CASQ1: variants seen among roughly 807,000 people sequenced by gnomAD.
CASQ1 encodes calsequestrin 1.
In CASQ1, 40 loss-of-function variants were observed where a neutral mutation model predicts 49.5. That is an observed-to-expected ratio of 0.81 (90% confidence interval 0.63 to 1.05). The LOEUF (loss-of-function observed/expected upper bound fraction) is 1.05, where lower values mean the gene tolerates loss of function less well. CASQ1 is among the 50% of genes least tolerant of loss of function. CASQ1 has a pLI of 0.00. For synonymous variants in CASQ1, 174 were observed against 187.2 expected (o/e 0.93, Z 0.58); for missense variants, 469 against 486.9 (o/e 0.96, Z 0.35).
At chr1:160,200,909 T>A (rs549641451) in intron 10 of CASQ1, among the ~76,000 whole-genome samples, 4 of 152,308 alleles carry the variant, frequency 2.6e-5, no homozygotes, top group Admixed American at 1.3e-4. Context: ...ATGTCCTGAA[T>A]GCCGAAGAGT....
intron 4 of CASQ1, 102 bp from the exon 5 acceptor site, chr1:160,195,359 C>T: frequency 8.7e-7 from 1 of 1,151,056 alleles, no homozygotes; most frequent in African/African-American, 1.5e-5. Flanking sequence ...GGGTGGGTCT[C>T]AAAATGAACC....
intron 5 of CASQ1, 143 bp downstream of exon 5, chr1:160,195,677 C>T: frequency 1.2e-6 from 1 of 807,794 alleles, no homozygotes; most frequent in Non-Finnish European, 2.0e-6. Context: ...TCCTCCCACT[C>T]CATAGATTTA....
chr1:160,199,145 C>A, intron 9 of CASQ1, 92 bp downstream of exon 9: 1 of 855,546 alleles, frequency 1.2e-6, no homozygotes. Flanking sequence ...AGGTCCCATC[C>A]CCACCTCCTA....
chr1:160,197,550 CTCTGTCTG>C lies in CASQ1; in HGVS notation c.783-15_783-8del. 1 of 1,598,048 alleles carries C rather than the reference CTCTGTCTG, an allele frequency of 6.3e-7. No homozygotes were observed. The highest frequency in any genetic ancestry group is 8.6e-7 in the Non-Finnish European group (1 of 1,165,330). On this transcript the variant is annotated splice_polypyrimidine_tract_variant and intron_variant, in intron 6 of 10. Coordinates refer to ENST00000368078, the MANE Select transcript of CASQ1 (RefSeq NM_001231.5). ...CCTTCTAACCCACTGAGTAATGACA[CTCTGTCTG>C]TCTCTTCTAGATCAACCCTGAGGAA...
chr1:160,192,133 ACCTCCAGGTGTGACTGT>A (rs1362134926), intron 1 of CASQ1, among the ~76,000 whole-genome samples: 5 of 152,098 alleles, frequency 3.3e-5, no homozygotes, highest in Admixed American at 6.6e-5. Context: ...GGGGGCAGGG[ACCTCCAGGTGTGACTGT>A]CCACAGCCTA....
intron 3 of CASQ1, among the ~76,000 whole-genome samples, chr1:160,194,345 A>G (rs1654156497): frequency 1.3e-5 from 2 of 150,282 alleles, no homozygotes; most frequent in African/African-American, 4.9e-5. Flanking sequence ...ACACACATGC[A>G]CACACATCAC....
intron 2 of CASQ1, 23 bp from the exon 3 acceptor site, chr1:160,193,724 C>G (rs1219478615): frequency 1.5e-6 from 2 of 1,375,782 alleles, no homozygotes; most frequent in Non-Finnish European, 2.1e-6. Context: ...CTACCCCACC[C>G]CTGCGCCCGG....
intron 3 of CASQ1, among the ~76,000 whole-genome samples, chr1:160,194,730 A>T (rs999685713): frequency 1.3e-5 from 2 of 151,172 alleles, no homozygotes; most frequent in African/African-American, 4.9e-5. Context: ...CCACATGCAC[A>T]CCACACTCAT....
intron 7 of CASQ1, among the ~76,000 whole-genome samples, chr1:160,197,944 A>G (rs1455039084): frequency 6.6e-6 from 1 of 151,620 alleles, no homozygotes; most frequent in African/African-American, 2.4e-5. Context: ...GCTTGAACCC[A>G]GGAGGCGGAG....
chr1:160,193,671 G>A, intron 2 of CASQ1, 76 bp from the exon 3 acceptor site: 1 of 890,776 alleles, frequency 1.1e-6, no homozygotes, highest in Non-Finnish European at 1.8e-6. Flanking sequence ...TGTGGCCGAG[G>A]ATTTGGACCT....
chr1:160,201,210 A>T, intron 10 of CASQ1, 35 bp from the exon 11 acceptor site: 1 of 1,603,494 alleles, frequency 6.2e-7, no homozygotes, highest in South Asian at 1.1e-5. Context: ...CCCGGGTTGG[A>T]CTTAGCTTCC....
Position 160,195,509 on chromosome 1 carries a change from C to A in CASQ1, c.626C>A (p.Pro209His). 1.2e-6 allele frequency: 2 copies of A among 1,614,078 alleles called. No homozygotes were observed. The highest frequency in any genetic ancestry group is 1.7e-6 in the Non-Finnish European group (2 of 1,179,996). Residue 209 changes from proline to histidine, a missense_variant, in exon 5 of 11, where the codon CCC becomes CAC. Coordinates refer to ENST00000368078, the MANE Select transcript of CASQ1 (RefSeq NM_001231.5). ...GCTGAGGAGTTTCATCCCTACATCCCCTTCTTCGCCACCTTCGACAGCAAG... is the reference window on the plus strand; with the variant it reads ...GCTGAGGAGTTTCATCCCTACATCCACTTCTTCGCCACCTTCGACAGCAAG... ...DAAEEFHPYI[P>H]FFATFDSKVA...
At chr1:160,196,219 C>T (rs1654223555) in intron 6 of CASQ1, among the ~76,000 whole-genome samples, 192 bp downstream of exon 6, 1 of 152,026 alleles carries the variant, frequency 6.6e-6, no homozygotes, top group Admixed American at 6.5e-5. Context: ...CTACTTAGCC[C>T]TGAGCCCTAC....
Position 160,194,877 on chromosome 1 carries a change from A to AC in CASQ1, c.466-135_466-134insC, listed in dbSNP as rs1557814657. The AC allele has an allele frequency of 4.4e-4, 260 of 586,122 alleles. 1 individual carries two copies. The highest frequency in any genetic ancestry group is 3.4e-3 in the East Asian group (117 of 34,626). 36.3% of individuals were successfully genotyped at this position (586,122 alleles called of 1,614,324 possible). On this transcript the variant is annotated intron_variant, in intron 3 of 10. Coordinates refer to ENST00000368078, the MANE Select transcript of CASQ1 (RefSeq NM_001231.5). ...CACTATACACACACACGCACATGCA[A>AC]TCCCCCACACACACACCCACACACT...
rs762974773 is a variant in CASQ1, at chr1:160,190,937, G to T, written c.186G>T (p.Lys62Asn). 38 of 1,614,174 alleles carry T rather than the reference G, an allele frequency of 2.4e-5. No individual in the cohort carries two copies. Among genetic ancestry groups the T allele is most frequent in the Non-Finnish European group, 3.1e-5 (37 of 1,180,020 alleles). ...CAAAGAACTACAAGAATGTGTTCAAGAAGTATGAGGTGCTGGCACTCCTCT... is the reference window on the plus strand; with the variant it reads ...CAAAGAACTACAAGAATGTGTTCAATAAGTATGAGGTGCTGGCACTCCTCT... Reference protein sequence around the residue: ...VNAKNYKNVFKKYEVLALLYH... With the variant: ...VNAKNYKNVFNKYEVLALLYH... Residue 62 changes from lysine to asparagine, a missense_variant, in exon 1 of 11, where the codon AAG becomes AAT. By Grantham distance (94) the Lys-to-Asn change is moderately conservative. Transcript: ENST00000368078.
At chr1:160,198,779 G>C in intron 8 of CASQ1, 48 bp downstream of exon 8, 2 of 1,551,562 alleles carry the variant, frequency 1.3e-6, no homozygotes, top group Non-Finnish European at 8.9e-7. Context: ...AGGGGGAGGT[G>C]GGTGTGTTTA....
intron 7 of CASQ1, among the ~76,000 whole-genome samples, chr1:160,198,031 A>G (rs1388236640): frequency 6.6e-6 from 1 of 152,024 alleles, no homozygotes; most frequent in Admixed American, 6.5e-5. Context: ...AAAAAAGAAA[A>G]AACAGTGCAC....
In CASQ1 at chr1:160,198,672, G is replaced by C. The variant is rs1424024704; in HGVS notation, c.829-5G>C. ...AACCCTGTTCTCCTTCTTACCCCCTGACAGGAGGATGATATGGATGGAATC... is the reference window on the plus strand; with the variant it reads ...AACCCTGTTCTCCTTCTTACCCCCTCACAGGAGGATGATATGGATGGAATC... On this transcript the variant is annotated splice_region_variant and splice_polypyrimidine_tract_variant and intron_variant, in intron 7 of 10. Coordinates refer to ENST00000368078, the MANE Select transcript of CASQ1 (RefSeq NM_001231.5). The C allele has an allele frequency of 6.2e-7, 1 of 1,612,690 alleles. No individual in the cohort carries two copies. Among genetic ancestry groups the C allele is most frequent in the South Asian group, 1.1e-5 (1 of 91,040 alleles).
At chr1:160,191,871 A>G (rs2101670808) in intron 1 of CASQ1, among the ~76,000 whole-genome samples, 1 of 152,338 alleles carries the variant, frequency 6.6e-6, no homozygotes, top group African/African-American at 2.4e-5. Context: ...GGAGCATTTC[A>G]GGGTGAGACA....
Sources: allele counts gnomAD v4.1 joint callset (sites outside exome capture counted in the v4.1 genomes callset), GRCh38; gene constraint gnomAD v4.1.1; transcripts MANE v1.5; gene names NCBI Gene and HGNC (gene_info 2026-07-23, HGNC 2026-07-21).